COLEC12: variants seen among roughly 807,000 people sequenced by gnomAD.
COLEC12 encodes collectin-12.
Under a neutral mutation model 71.1 loss-of-function variants are expected in COLEC12, and 33 were observed. That is an observed-to-expected ratio of 0.46 (90% confidence interval 0.35 to 0.62). The LOEUF (loss-of-function observed/expected upper bound fraction) is 0.62, where lower values mean the gene tolerates loss of function less well. COLEC12 is among the 20% of genes least tolerant of loss of function. The probability of loss-of-function intolerance (pLI) is 0.00; values close to 1 mark genes in which losing one functional copy is unlikely to be tolerated. For missense variants in COLEC12, 765 were observed against 916.1 expected (o/e 0.84, Z 2.13); for synonymous variants, 350 against 353.0 (o/e 0.99, Z 0.10).
At chr18:466,929 C>T (rs1246602025) in intron 2 of COLEC12, among the ~76,000 whole-genome samples, 1 of 152,162 alleles carries the variant, frequency 6.6e-6, no homozygotes, top group Non-Finnish European at 1.5e-5. Context: ...TATCTCTTCT[C>T]TCCTTTAGTA....
intron 2 of COLEC12, among the ~76,000 whole-genome samples, chr18:412,470 T>G (rs1266199091): frequency 7.1e-6 from 1 of 141,366 alleles, no homozygotes; most frequent in Non-Finnish European, 1.5e-5. Context: ...CTAAAGAAAG[T>G]GCTCTAAACA....
At chr18:429,788 C>T (rs1263238970) in intron 2 of COLEC12, among the ~76,000 whole-genome samples, 1 of 152,150 alleles carries the variant, frequency 6.6e-6, no homozygotes, top group Admixed American at 6.5e-5. Context: ...TGATTCCAGG[C>T]CCACGTGAGC....
chr18:387,277 G>A (rs1915365359), intron 2 of COLEC12, among the ~76,000 whole-genome samples: 2 of 152,088 alleles, frequency 1.3e-5, no homozygotes, highest in Non-Finnish European at 2.9e-5. Context: ...TTTGCATCAG[G>A]ACAAGACCCT....
intron 2 of COLEC12, among the ~76,000 whole-genome samples, chr18:440,080 A>G (rs1319981409): frequency 1.3e-5 from 2 of 151,966 alleles, no homozygotes; most frequent in Admixed American, 1.3e-4. Flanking sequence ...ACTGGAGGAT[A>G]TTATGCTAAG....
At position 346,771 on chromosome 18, in the gene COLEC12, T is replaced by G. The variant is rs1914384712; in HGVS notation, c.851A>C (p.Glu284Ala). ...ALAKANNDTL[E>A]DMNSQLNSFT... is the part of the protein sequence containing the mutation. Reference sequence around the variant, plus strand: ...TGAGTTGAGCTGGCTGTTCATATCCTCCAGGGTGTCGTTGTTGGCTTTGGC... The same window carrying G: ...TGAGTTGAGCTGGCTGTTCATATCCGCCAGGGTGTCGTTGTTGGCTTTGGC... The change falls in exon 5 of 10, where the codon GAG (glutamate) becomes GCG (alanine). Residue 284 changes from glutamate to alanine, a missense_variant. Physicochemically the swap from Glu to Ala is moderately radical, Grantham distance 107. Coordinates refer to ENST00000400256, the MANE Select transcript of COLEC12 (RefSeq NM_130386.3). The surrounding 1 kb of genome is among the most constrained non-coding windows in gnomAD (Gnocchi z 4.0). 1 of 1,614,126 alleles carries G rather than the reference T, an allele frequency of 6.2e-7. No homozygotes were observed. Among genetic ancestry groups the G allele is most frequent in the African/African-American group, 1.3e-5 (1 of 74,940 alleles).
At chr18:347,872 T>A (rs79685613) in intron 4 of COLEC12, among the ~76,000 whole-genome samples, 193 bp downstream of exon 4, 7,597 of 152,268 alleles carry the variant, frequency 0.05, 186 homozygotes, top group Middle Eastern at 0.1. Flanking sequence ...TTGGCAGGAC[T>A]TAATTCCAAA....
At position 335,025 on chromosome 18, in the gene COLEC12, A is replaced by G; in HGVS notation, c.1533T>C (p.Arg511=). 3 of 1,591,668 alleles carry G rather than the reference A, an allele frequency of 1.9e-6. No individual in the cohort carries two copies. The highest frequency in any genetic ancestry group is 2.6e-6 in the Non-Finnish European group (3 of 1,172,742). ...SKGSQGPKGS[R]GSPGKPGPQG... ...GAGGGCCGGGCTTCCCAGGGGAACC[A>G]CGGGAGCCTTTGGGGCCCTGGGAGC... The change falls in exon 6 of 10, where the codon CGT becomes CGC. Residue 511 remains arginine (R), a synonymous_variant. Coordinates refer to ENST00000400256, the MANE Select transcript of COLEC12 (RefSeq NM_130386.3).
chr18:447,460 G>A (rs1295969078), intron 2 of COLEC12, among the ~76,000 whole-genome samples: 3 of 152,220 alleles, frequency 2.0e-5, no homozygotes, highest in South Asian at 2.1e-4. Flanking sequence ...CACAGCTCTT[G>A]CCTGGCGTGC....
chr18:454,566 C>T (rs1916827437), intron 2 of COLEC12, among the ~76,000 whole-genome samples: 1 of 152,172 alleles, frequency 6.6e-6, no homozygotes, highest in Admixed American at 6.5e-5. Flanking sequence ...CCTGTAATTC[C>T]CACTACTTGG....
At chr18:358,563 C>T (rs1396823863) in intron 2 of COLEC12, among the ~76,000 whole-genome samples, 1 of 152,122 alleles carries the variant, frequency 6.6e-6, no homozygotes, top group South Asian at 2.1e-4. Flanking sequence ...TCTAATGCTG[C>T]CACTGATCTG....
intron 2 of COLEC12, among the ~76,000 whole-genome samples, chr18:458,668 T>C (rs1388618478): frequency 6.6e-6 from 1 of 152,236 alleles, no homozygotes; most frequent in East Asian, 1.9e-4. Context: ...CCCTTGTTAT[T>C]TTGGACCTCT....
intron 1 of COLEC12, among the ~76,000 whole-genome samples, chr18:499,921 C>T (rs544260417): frequency 6.6e-6 from 1 of 152,372 alleles, no homozygotes; most frequent in South Asian, 2.1e-4. Context: ...CCGAGGGCAA[C>T]TATTTTCCAG....
At chr18:390,349 C>T (rs1915436603) in intron 2 of COLEC12, among the ~76,000 whole-genome samples, 1 of 152,222 alleles carries the variant, frequency 6.6e-6, no homozygotes, top group South Asian at 2.1e-4. Flanking sequence ...TTACACTCTT[C>T]CAAAGCAGAA....
chr18:347,466 G>T (rs148569514), intron 4 of COLEC12, 125 bp from the exon 5 acceptor site: 7 of 733,846 alleles, frequency 9.5e-6, no homozygotes, highest in African/African-American at 1.8e-5. Flanking sequence ...CAGTATAAGC[G>T]GACAGCTCTG....
chr18:329,642 C>G (rs889751376), intron 8 of COLEC12, among the ~76,000 whole-genome samples: 1 of 152,212 alleles, frequency 6.6e-6, no homozygotes, highest in African/African-American at 2.4e-5. Context: ...CCAGGACAGG[C>G]GCAGAGGAGC....
At chr18:373,729 C>A (rs1035824715) in intron 2 of COLEC12, among the ~76,000 whole-genome samples, 5 of 151,990 alleles carry the variant, frequency 3.3e-5, no homozygotes, top group African/African-American at 1.2e-4. Context: ...CAGCCCCCCA[C>A]CTCCCCCCAA....
chr18:459,698 G>A (rs1236080903), intron 2 of COLEC12, among the ~76,000 whole-genome samples: 1 of 152,200 alleles, frequency 6.6e-6, no homozygotes, highest in East Asian at 1.9e-4. Flanking sequence ...AGCTTCAATG[G>A]TGGAAGCAGA....
At chr18:361,596 C>T (rs1598338584) in intron 2 of COLEC12, among the ~76,000 whole-genome samples, 2 of 152,326 alleles carry the variant, frequency 1.3e-5, no homozygotes, top group East Asian at 3.9e-4. Context: ...CGGACCAGCG[C>T]ATAAGCTCTC....
chr18:445,023 T>C (rs190060929), intron 2 of COLEC12, among the ~76,000 whole-genome samples: 13 of 152,336 alleles, frequency 8.5e-5, no homozygotes, highest in African/African-American at 3.1e-4. Context: ...TATGACTTGT[T>C]GCCCTCTTCT....
Sources: allele counts gnomAD v4.1 joint callset (sites outside exome capture counted in the v4.1 genomes callset), GRCh38; gene constraint gnomAD v4.1.1; non-coding constraint Gnocchi (gnomAD v3.1); transcripts MANE v1.5; gene names NCBI Gene and HGNC (gene_info 2026-07-23, HGNC 2026-07-21).